WASF2: variants seen among roughly 807,000 people sequenced by gnomAD.
The protein encoded by WASF2 is actin-binding protein WASF2.
A neutral mutation model predicts 45.0 loss-of-function variants in WASF2; 14 were observed. The ratio of observed to expected loss-of-function variants is 0.31; its 90% CI spans 0.21 to 0.49. The LOEUF is 0.49. Among genes scored for constraint, WASF2 ranks in the 20% least tolerant of loss-of-function variants. The pLI is 0.99. For synonymous variants in WASF2, 200 were observed against 236.3 expected (o/e 0.85, Z 1.41); for missense variants, 439 against 636.1 (o/e 0.69, Z 3.33).
chr1:27,461,141 G>A (rs1396254200), intron 1 of WASF2, among the ~76,000 whole-genome samples: 1 of 151,926 alleles, frequency 6.6e-6, no homozygotes, highest in South Asian at 2.1e-4. Flanking sequence ...GCAAGACTCC[G>A]TCTCAAAACA....
At chr1:27,423,118 G>C (rs2016931045) in intron 2 of WASF2, among the ~76,000 whole-genome samples, 1 of 148,052 alleles carries the variant, frequency 6.8e-6, no homozygotes, top group South Asian at 2.1e-4. Flanking sequence ...TTCAGCCTGG[G>C]CAACGGAGTG....
At chr1:27,472,974 A>G (rs937127544) in intron 1 of WASF2, among the ~76,000 whole-genome samples, 5 of 149,202 alleles carry the variant, frequency 3.4e-5, no homozygotes, top group Non-Finnish European at 7.5e-5. Flanking sequence ...CTTGTCTCAA[A>G]AAAAAAAAAA....
chr1:27,449,149 T>A (rs572005623), intron 1 of WASF2, among the ~76,000 whole-genome samples: 68 of 152,298 alleles, frequency 4.5e-4, no homozygotes, highest in Non-Finnish European at 8.2e-4. Context: ...TAAATATCCA[T>A]AACACGTTGT....
chr1:27,404,344 G>T lies in WASF2; in HGVS notation c.*3845C>A, dbSNP rs913666124. On this transcript the variant is annotated 3_prime_UTR_variant, in exon 9 of 9. Transcript: ENST00000618852. The stretch of plus-strand genomic sequence containing the variant: ...TGGGGCACAAATGTGGTATACACAC[G>T]ATGAGCCTGGCAGGGAAGCAAATGA... 8 of 152,212 alleles carry T rather than the reference G, an allele frequency of 5.3e-5. No homozygotes were observed. The highest frequency in any genetic ancestry group is 1.7e-4 in the African/African-American group (7 of 41,444). 9.4% of individuals were successfully genotyped at this position (152,212 alleles called of 1,614,324 possible).
At position 27,483,511 on chromosome 1, in the gene WASF2, C is replaced by T. The variant is rs907711676; in HGVS notation, c.-44+6475G>A. On this transcript the variant is annotated intron_variant, in intron 1 of 8. Coordinates refer to ENST00000618852, the MANE Select transcript of WASF2 (RefSeq NM_006990.5). Reference sequence around the variant, plus strand: ...ATTAGCCAGGCATGGTGGCACGCACCTGTAATCCCAGCTGCTACTAGGTAA... The same window carrying T: ...ATTAGCCAGGCATGGTGGCACGCACTTGTAATCCCAGCTGCTACTAGGTAA... 2.0e-5 allele frequency among the ~76,000 whole-genome samples: 3 copies of T among 151,942 alleles called. No homozygotes were observed. In the East Asian group the frequency reaches 5.8e-4, roughly 29 times the overall value.
chr1:27,455,905 G>A (rs1449842845), intron 1 of WASF2, among the ~76,000 whole-genome samples: 1 of 152,088 alleles, frequency 6.6e-6, no homozygotes, highest in East Asian at 1.9e-4. Context: ...TTTGAGGGAA[G>A]GTACTATCTT....
chr1:27,423,454 T>A (rs2016935808), intron 2 of WASF2, among the ~76,000 whole-genome samples: 1 of 152,192 alleles, frequency 6.6e-6, no homozygotes, highest in Non-Finnish European at 1.5e-5. Flanking sequence ...AGTGCTGGGA[T>A]TACAGGCGTG....
intron 1 of WASF2, among the ~76,000 whole-genome samples, chr1:27,445,176 C>T (rs192869967): frequency 1.4e-4 from 21 of 152,288 alleles, no homozygotes; most frequent in Middle Eastern, 3.4e-3. Flanking sequence ...CAATAAATAC[C>T]TGTTAAATTC....
chr1:27,406,471 G>GGAGGGCTTTAT lies in WASF2; in HGVS notation c.*1707_*1717dup. ...TGACTATACACTCTCTCCTCAAGCC[G>GGAGGGCTTTAT]GAGGGCTTTATGAGGGCTTTGGCAA... On this transcript the variant is annotated 3_prime_UTR_variant, in exon 9 of 9. Coordinates refer to ENST00000618852, the MANE Select transcript of WASF2 (RefSeq NM_006990.5). 1 of 152,800 alleles carries GGAGGGCTTTAT rather than the reference G, an allele frequency of 6.5e-6. No individual in the cohort carries two copies. The highest frequency in any genetic ancestry group is 2.4e-5 in the African/African-American group (1 of 41,566). 9.5% of individuals were successfully genotyped at this position (152,800 alleles called of 1,614,324 possible).
chr1:27,405,386 G>A lies in WASF2; in HGVS notation c.*2803C>T, dbSNP rs1285705469. On this transcript the variant is annotated 3_prime_UTR_variant, in exon 9 of 9. Coordinates refer to ENST00000618852, the MANE Select transcript of WASF2 (RefSeq NM_006990.5). The stretch of plus-strand genomic sequence containing the variant: ...TGGGCCCCAGGGCCACAGGAATGGG[G>A]GCAGGTCCCTTGGGCGGGGTGAACC... 1 of 152,346 alleles carries A rather than the reference G, an allele frequency of 6.6e-6. No homozygotes were observed. Among genetic ancestry groups the A allele is most frequent in the Non-Finnish European group, 1.5e-5 (1 of 68,152 alleles). The allele number at this position is 152,346 out of a possible 1,614,324, so 9.4% of individuals were successfully genotyped here. A position where few individuals can be genotyped will look rare whatever the true frequency, so the allele number is the denominator to read the frequency against.
At chr1:27,486,689 C>T (rs1446124984) in intron 1 of WASF2, among the ~76,000 whole-genome samples, 1 of 152,040 alleles carries the variant, frequency 6.6e-6, no homozygotes, top group Non-Finnish European at 1.5e-5. Context: ...TTCCGGAGGC[C>T]GCAGCAGGTG....
At chr1:27,432,281 T>C (rs1225096336) in intron 1 of WASF2, among the ~76,000 whole-genome samples, 1 of 152,072 alleles carries the variant, frequency 6.6e-6, no homozygotes, top group Non-Finnish European at 1.5e-5. Flanking sequence ...TACTGTGTGA[T>C]CTTGGGGGCA....
Position 27,407,892 on chromosome 1 carries a change from AG to A in WASF2, c.*296del, listed in dbSNP as rs1300470925. On this transcript the variant is annotated 3_prime_UTR_variant, in exon 9 of 9. Transcript: ENST00000618852. The stretch of plus-strand genomic sequence containing the variant: ...CCATCTCCAACAGAAACCCGATCAA[AG>A]GAATCTGCTTTGGGATTTCTCCTTC... The A allele has an allele frequency of 3.4e-6, 1 of 291,258 alleles. No individual in the cohort carries two copies. The highest frequency in any genetic ancestry group is 6.4e-6 in the Non-Finnish European group (1 of 155,878). 18.0% of individuals were successfully genotyped at this position (291,258 alleles called of 1,614,324 possible). A position where few individuals can be genotyped will look rare whatever the true frequency, so the allele number is the denominator to read the frequency against.
In WASF2 at chr1:27,415,045, G is replaced by GT. The variant is rs1261473780; in HGVS notation, c.538-83dup. ...AAATTCTACCCATCTTCATGGATGC[G>GT]TATCTAAGAGATAATCTGCCTAGAC... On this transcript the variant is annotated intron_variant, in intron 5 of 8. Coordinates refer to ENST00000618852, the MANE Select transcript of WASF2 (RefSeq NM_006990.5). 2.2e-5 allele frequency: 33 copies of GT among 1,509,242 alleles called. No homozygotes were observed. In the Admixed American group the frequency reaches 5.5e-4, roughly 25 times the overall value. The allele number at this position is 1,509,242 out of a possible 1,614,324, so 93.5% of individuals were successfully genotyped here.
intron 1 of WASF2, among the ~76,000 whole-genome samples, chr1:27,452,778 C>T (rs1042100581): frequency 3.1e-4 from 44 of 141,294 alleles, no homozygotes; most frequent in Middle Eastern, 9.0e-3. Context: ...ATCACACCAC[C>T]GCACTCCAGC....
intron 3 of WASF2, 40 bp downstream of exon 3, chr1:27,418,914 G>T (rs1175489930): frequency 1.3e-6 from 2 of 1,581,300 alleles, no homozygotes; most frequent in African/African-American, 1.4e-5. Context: ...CTACAAAACT[G>T]CTCAGCAGAG....
At chr1:27,437,246 T>A (rs574500550) in intron 1 of WASF2, among the ~76,000 whole-genome samples, 1 of 152,316 alleles carries the variant, frequency 6.6e-6, no homozygotes, top group Non-Finnish European at 1.5e-5. Flanking sequence ...TAGAAAACTG[T>A]CTTTTAAATG....
chr1:27,409,830 C>A lies in WASF2; in HGVS notation c.1201G>T (p.Gly401Trp). 1 of 1,553,678 alleles carries A rather than the reference C, an allele frequency of 6.4e-7. No individual in the cohort carries two copies. Among genetic ancestry groups the A allele is most frequent in the Non-Finnish European group, 8.7e-7 (1 of 1,147,706 alleles). The change falls in exon 8 of 9, where the codon GGG (glycine) becomes TGG (tryptophan). Residue 401 changes from glycine to tryptophan, a missense_variant. Coordinates refer to ENST00000618852, the MANE Select transcript of WASF2 (RefSeq NM_006990.5). The stretch of plus-strand genomic sequence containing the variant: ...CCAGTGAAAGGGGGAGGAGGGGGCC[C>A]CGGAGGAGGAGGAGGAGGGGGAGGA... ...PPPPPPPPPP[G>W]PPPPPFTGAD... is the part of the protein sequence containing the mutation.
At chr1:27,421,695 A>T (rs1188529108) in intron 2 of WASF2, among the ~76,000 whole-genome samples, 2 of 152,212 alleles carry the variant, frequency 1.3e-5, no homozygotes, top group African/African-American at 4.8e-5. Context: ...AGGCGCCTGT[A>T]ATCCCAGCTA....
Sources: gnomAD v4.1 joint callset for allele counts (sites outside exome capture counted in the v4.1 genomes callset) on GRCh38, gnomAD v4.1.1 for gene constraint, MANE v1.5 for transcripts, NCBI Gene and HGNC (gene_info 2026-07-23, HGNC 2026-07-21) for gene names.